WNT2B: variants seen among roughly 807,000 people sequenced by gnomAD.
WNT2B encodes protein Wnt-2b.
WNT2B carries 19 observed loss-of-function variants against 40.5 expected under a neutral mutation model. The observed-to-expected ratio is 0.47, with a 90% confidence interval of 0.33 to 0.69. WNT2B has a LOEUF of 0.69. Ranked by LOEUF, WNT2B falls within the 30% of genes least tolerant of loss-of-function variation. The pLI, the probability that WNT2B is intolerant of heterozygous loss-of-function variation, is 0.02. For synonymous variants in WNT2B, 220 were observed against 211.9 expected, an observed-to-expected ratio of 1.04 and a Z score of -0.33; for missense variants, 467 against 556.4, an observed-to-expected ratio of 0.84 and a Z score of 1.62.
At chr1:112,487,128 T>A (rs1336329387) in intron 1 of WNT2B, among the ~76,000 whole-genome samples, 1 of 152,248 alleles carries the variant, frequency 6.6e-6, no homozygotes, top group Non-Finnish European at 1.5e-5. Context: ...AATGGAATAC[T>A]ATTCAACAAT....
At position 112,521,095 on chromosome 1, in the gene WNT2B, G is replaced by A. The variant is rs1226986213; in HGVS notation, c.*586G>A. The A allele has an allele frequency of 6.5e-6, 1 of 152,958 alleles. No homozygotes were observed. The highest frequency in any genetic ancestry group is 1.5e-5 in the Non-Finnish European group (1 of 68,628). 9.5% of individuals were successfully genotyped at this position (152,958 alleles called of 1,614,324 possible). On this transcript the variant is annotated 3_prime_UTR_variant, in exon 5 of 5. Transcript: ENST00000369684. Reference sequence around the variant, plus strand: ...TGTTTATAAACTGTGTTTTGTAGAAGAAAAAGAATCATAACAATACAAACA... The same window carrying A: ...TGTTTATAAACTGTGTTTTGTAGAAAAAAAAGAATCATAACAATACAAACA...
chr1:112,495,552 G>T (rs1651737676), intron 1 of WNT2B, among the ~76,000 whole-genome samples: 1 of 151,474 alleles, frequency 6.6e-6, no homozygotes, highest in Admixed American at 6.6e-5. Flanking sequence ...ACGCGCCACT[G>T]CGCTCCAGCC....
At chr1:112,486,224 C>T (rs1651414387) in intron 1 of WNT2B, among the ~76,000 whole-genome samples, 1 of 151,944 alleles carries the variant, frequency 6.6e-6, no homozygotes. Context: ...AGGTGGATCC[C>T]TTGAGCTCAG....
chr1:112,521,285 G>A lies in WNT2B; in HGVS notation c.*776G>A, dbSNP rs1429777828. 1 of 147,572 alleles carries A rather than the reference G, an allele frequency of 6.8e-6. No homozygotes were observed. The allele number at this position is 147,572 out of a possible 1,614,324, so 9.1% of individuals were successfully genotyped here. A position where few individuals can be genotyped will look rare whatever the true frequency, so the allele number is the denominator to read the frequency against. ...AACACTCCTAGGATAGATTAATGTA[G>A]TAAGTCTGGCTAGGCCTTGTGTTGC... is the stretch of plus-strand genomic sequence containing the variant. On this transcript the variant is annotated 3_prime_UTR_variant, in exon 5 of 5. Transcript: ENST00000369684.
At chr1:112,519,197 T>C (rs1159819600) in intron 4 of WNT2B, among the ~76,000 whole-genome samples, 2 of 152,214 alleles carry the variant, frequency 1.3e-5, no homozygotes, top group African/African-American at 4.8e-5. Context: ...CTCCTATCAT[T>C]AAAACAATTT....
chr1:112,518,732 C>T (rs577968205), intron 4 of WNT2B, among the ~76,000 whole-genome samples: 3 of 152,062 alleles, frequency 2.0e-5, no homozygotes, highest in African/African-American at 7.2e-5. Flanking sequence ...AATGTGTGTT[C>T]GTTTTTCTCA....
At chr1:112,476,180 C>A (rs534978753) in intron 1 of WNT2B, among the ~76,000 whole-genome samples, 387 of 152,058 alleles carry the variant, frequency 2.5e-3, no homozygotes, top group South Asian at 0.016. Context: ...GAAAATAACA[C>A]ACTACCAAAT....
chr1:112,528,954 CT>C lies in WNT2B; in HGVS notation c.*8446del, dbSNP rs879403833. The C allele has an allele frequency of 3.9e-5, 6 of 152,182 alleles. No individual in the cohort carries two copies. Among genetic ancestry groups the C allele is most frequent in the Admixed American group, 3.9e-4 (6 of 15,272 alleles). The allele number at this position is 152,182 out of a possible 1,614,324, so 9.4% of individuals were successfully genotyped here. A position where few individuals can be genotyped will look rare whatever the true frequency, so the allele number is the denominator to read the frequency against. On this transcript the variant is annotated 3_prime_UTR_variant, in exon 5 of 5. Coordinates refer to ENST00000369684, the MANE Select transcript of WNT2B (RefSeq NM_024494.3). ...AGGAGACAAATTCTAACTTCATGAT[CT>C]CTAGTTAGGTGTCTATTTTCCTGCA...
Position 112,492,556 on chromosome 1 carries a change from C to A in WNT2B, c.-94-22318C>A, listed in dbSNP as rs567905603. Reference sequence around the variant, plus strand: ...CTCACAGTAAATATCAGAAAAATATCCCCTGTGCTTCTGGCTGGGGGAAGG... The same window carrying A: ...CTCACAGTAAATATCAGAAAAATATACCCTGTGCTTCTGGCTGGGGGAAGG... On this transcript the variant is annotated intron_variant, in intron 1 of 4. Coordinates refer to the WNT2B transcript ENST00000256640. Among the ~76,000 whole-genome samples, 160 of 152,316 alleles carry A rather than the reference C, an allele frequency of 1.1e-3. 1 individual carries two copies. Among genetic ancestry groups the A allele is most frequent in the African/African-American group, 3.7e-3 (153 of 41,562 alleles).
At chr1:112,473,615 AATGT>A (rs1449108694) in intron 1 of WNT2B, among the ~76,000 whole-genome samples, 3 of 152,170 alleles carry the variant, frequency 2.0e-5, no homozygotes, top group Non-Finnish European at 4.4e-5. Flanking sequence ...CAGGTGACCT[AATGT>A]AAGTTTAATC....
chr1:112,490,630 C>T (rs941411847), intron 1 of WNT2B, among the ~76,000 whole-genome samples: 4 of 151,846 alleles, frequency 2.6e-5, no homozygotes, highest in Admixed American at 2.0e-4. Context: ...GCTGGGACTA[C>T]CGGCGCCCAT....
intron 4 of WNT2B, 71 bp downstream of exon 4, chr1:112,517,456 C>A: frequency 6.6e-7 from 1 of 1,522,658 alleles, no homozygotes; most frequent in South Asian, 1.3e-5. Context: ...TAATCATGGT[C>A]TGTTCAGTCT....
Position 112,509,452 on chromosome 1 carries a change from T to A in WNT2B, c.182+8T>A. ...CGTAGACACGTCCTGGTGGTAAGTG[T>A]GGCTCTCAGGCTGGGCGGGTGAGGC... On this transcript the variant is annotated splice_region_variant and intron_variant, in intron 1 of 4. Transcript: ENST00000369684. The surrounding 1 kb of genome is among the most constrained non-coding windows in gnomAD (Gnocchi z 4.2). The A allele has an allele frequency of 6.4e-7, 1 of 1,574,308 alleles. No individual in the cohort carries two copies. Among genetic ancestry groups the A allele is most frequent in the Non-Finnish European group, 8.5e-7 (1 of 1,170,086 alleles).
chr1:112,486,953 G>A (rs1651436459), intron 1 of WNT2B, among the ~76,000 whole-genome samples: 1 of 152,266 alleles, frequency 6.6e-6, no homozygotes. Context: ...ACATGATTCA[G>A]TTATCCCATG....
chr1:112,520,019 A>G lies in WNT2B; in HGVS notation c.947-261A>G, dbSNP rs184146137. On this transcript the variant is annotated intron_variant, in intron 4 of 4. Coordinates refer to ENST00000369684, the MANE Select transcript of WNT2B (RefSeq NM_024494.3). ...CCTGAGTATCTAGGACTACAGGCTCATGCCCATGGCACCTGGCTAATTTTT... is the reference window on the plus strand; with the variant it reads ...CCTGAGTATCTAGGACTACAGGCTCGTGCCCATGGCACCTGGCTAATTTTT... Among the ~76,000 whole-genome samples the G allele has an allele frequency of 4.0e-3, 615 of 151,912 alleles. 3 individuals carry two copies. Among genetic ancestry groups the G allele is most frequent in the African/African-American group, 0.014 (593 of 41,426 alleles).
chr1:112,477,790 TA>T (rs567367190), intron 1 of WNT2B, among the ~76,000 whole-genome samples: 4,664 of 151,740 alleles, frequency 0.031, 100 homozygotes, highest in Middle Eastern at 0.048. Flanking sequence ...AAAATAATTT[TA>T]AAAAAAAATC....
At chr1:112,470,770 G>T (rs534523065) in intron 1 of WNT2B, among the ~76,000 whole-genome samples, 8 of 152,030 alleles carry the variant, frequency 5.3e-5, no homozygotes, top group African/African-American at 7.2e-5. Flanking sequence ...AGCAACTGCT[G>T]CATTTGTGTG....
In WNT2B at chr1:112,484,208, T is replaced by TATATATATACACATATATATACAC. The variant is rs1374189700; in HGVS notation, c.-95+16638_-95+16639insCACATATATATACACATATATATA. Among the ~76,000 whole-genome samples the TATATATATACACATATATATACAC allele has an allele frequency of 1.5e-3, 208 of 136,610 alleles. 3 individuals carry two copies. Among genetic ancestry groups the TATATATATACACATATATATACAC allele is most frequent in the African/African-American group, 5.8e-3 (194 of 33,398 alleles). 89.6% of individuals were successfully genotyped at this position (136,610 alleles called of 152,430 possible). A position where few individuals can be genotyped will look rare whatever the true frequency, so the allele number is the denominator to read the frequency against. ...TATAATTTTGTCTCCAAAAATTTTA[T>TATATATATACACATATATATACAC]ATATATATACACATATATATATACA... is the stretch of plus-strand genomic sequence containing the variant. On this transcript the variant is annotated intron_variant, in intron 1 of 4. Coordinates refer to the WNT2B transcript ENST00000256640.
chr1:112,505,857 G>A (rs1298463495), upstream of WNT2B, among the ~76,000 whole-genome samples: 1 of 152,222 alleles, frequency 6.6e-6, no homozygotes, highest in Non-Finnish European at 1.5e-5. Context: ...ATCCTAGGTT[G>A]TCCACTCTGG....
Sources: allele counts gnomAD v4.1 joint callset (sites outside exome capture counted in the v4.1 genomes callset), GRCh38; gene constraint gnomAD v4.1.1; non-coding constraint Gnocchi (gnomAD v3.1); transcripts MANE v1.5; gene names NCBI Gene and HGNC (gene_info 2026-07-23, HGNC 2026-07-21).